Variants in MTPAP observed in about 807,000 individuals in gnomAD.
The protein encoded by MTPAP is poly(A) RNA polymerase, mitochondrial.
A neutral mutation model predicts 48.7 loss-of-function variants in MTPAP; 23 were observed. The observed-to-expected ratio is 0.47, with a 90% confidence interval of 0.34 to 0.67. The LOEUF is 0.67. MTPAP is among the 30% of genes least tolerant of loss of function. The pLI, the probability that MTPAP is intolerant of heterozygous loss-of-function variation, is 0.01. For synonymous variants in MTPAP, 257 were observed against 254.1 expected (o/e 1.01, Z -0.11); for missense variants, 614 against 694.3 (o/e 0.88, Z 1.30).
In MTPAP at chr10:30,310,421, A is replaced by G. The variant is rs1840576286; in HGVS notation, c.*3188T>C. ...GCCAACAGAGTAAAACCCCATCTCT[A>G]CTAAAAATAGAAAACTTAGCCAGGT... On this transcript the variant is annotated 3_prime_UTR_variant, in exon 9 of 9. Coordinates refer to ENST00000263063, the MANE Select transcript of MTPAP (RefSeq NM_018109.4). 6.6e-6 allele frequency: 1 copy of G among 151,982 alleles called. No individual in the cohort carries two copies. Among genetic ancestry groups the G allele is most frequent in the Admixed American group, 6.6e-5 (1 of 15,238 alleles). 9.4% of individuals were successfully genotyped at this position (151,982 alleles called of 1,614,324 possible). A position where few individuals can be genotyped will look rare whatever the true frequency, so the allele number is the denominator to read the frequency against.
rs1840571760 is a variant in MTPAP at position 30,309,959 on chromosome 10, C to T, written c.*3650G>A. The T allele has an allele frequency of 1.3e-5, 2 of 152,096 alleles. No homozygotes were observed. The highest frequency in any genetic ancestry group is 2.9e-5 in the Non-Finnish European group (2 of 68,020). 9.4% of individuals were successfully genotyped at this position (152,096 alleles called of 1,614,324 possible). On this transcript the variant is annotated 3_prime_UTR_variant, in exon 9 of 9. Coordinates refer to ENST00000263063, the MANE Select transcript of MTPAP (RefSeq NM_018109.4). ...ATTTTCTAAAGATGGATAATAGCTC[C>T]AGGAATTATACTAGTGGGCTATAGC... is the stretch of plus-strand genomic sequence containing the variant.
chr10:30,316,186 T>C lies in MTPAP; in HGVS notation c.1244A>G (p.Glu415Gly), dbSNP rs375942334. ...LADAEDKCVI[E>G]GNNCTFVRDL... ...ACGAACAAATGTGCAGTTGTTGCCT[T>C]CTATTACACATTTATCTTCTGCATC... The change falls in exon 7 of 9, where the codon GAA becomes GGA. Residue 415 changes from glutamate (E) to glycine (G), a missense_variant. Physicochemically the swap from Glu to Gly is moderately conservative, Grantham distance 98. This residue lies in a region of MTPAP where 261 missense variants were observed against 355.4 expected (regional missense o/e 0.73). Coordinates refer to ENST00000263063, the MANE Select transcript of MTPAP (RefSeq NM_018109.4). The C allele has an allele frequency of 1.2e-5, 20 of 1,613,746 alleles. No homozygotes were observed. Among genetic ancestry groups the C allele is most frequent in the Non-Finnish European group, 1.7e-5 (20 of 1,179,808 alleles).
At chr10:30,342,548 A>C (rs1022128159) in intron 1 of MTPAP, among the ~76,000 whole-genome samples, 17 of 151,206 alleles carry the variant, frequency 1.1e-4, no homozygotes, top group African/African-American at 4.1e-4. Flanking sequence ...TTCCACAAAA[A>C]AAAAAAAAAA....
At chr10:30,348,216 A>AT (rs1279028217) in intron 1 of MTPAP, among the ~76,000 whole-genome samples, 5 of 152,222 alleles carry the variant, frequency 3.3e-5, no homozygotes, top group Non-Finnish European at 5.9e-5. Context: ...TTTGAATGAA[A>AT]TACATAAAGA....
intron 6 of MTPAP, 64 bp downstream of exon 6, chr10:30,322,327 A>G: frequency 7.7e-7 from 1 of 1,304,884 alleles, no homozygotes. Context: ...TTGGTAACAC[A>G]TGGTAATTAT....
In MTPAP at chr10:30,322,274, A is replaced by C. The variant is rs868217202; in HGVS notation, c.1219+117T>G. 42 of 931,302 alleles carry C rather than the reference A, an allele frequency of 4.5e-5. 1 individual carries two copies. In the Middle Eastern group the frequency reaches 1.4e-3, roughly 32 times the overall value. 57.7% of individuals were successfully genotyped at this position (931,302 alleles called of 1,614,324 possible). A position where few individuals can be genotyped will look rare whatever the true frequency, so the allele number is the denominator to read the frequency against. On this transcript the variant is annotated intron_variant, in intron 6 of 8. Coordinates refer to ENST00000263063, the MANE Select transcript of MTPAP (RefSeq NM_018109.4). ...GTGACTCCGGTAGACTTTAAAAAAA[A>C]GTCAAGACAAATTTTATGACTAATA... is the stretch of plus-strand genomic sequence containing the variant.
chr10:30,312,803 G>A lies in MTPAP; in HGVS notation c.*806C>T, dbSNP rs1840612327. 1 of 152,030 alleles carries A rather than the reference G, an allele frequency of 6.6e-6. No homozygotes were observed. The highest frequency in any genetic ancestry group is 1.5e-5 in the Non-Finnish European group (1 of 68,002). 9.4% of individuals were successfully genotyped at this position (152,030 alleles called of 1,614,324 possible). A position where few individuals can be genotyped will look rare whatever the true frequency, so the allele number is the denominator to read the frequency against. On this transcript the variant is annotated 3_prime_UTR_variant, in exon 9 of 9. Coordinates refer to ENST00000263063, the MANE Select transcript of MTPAP (RefSeq NM_018109.4). Reference sequence around the variant, plus strand: ...AGAGGGGAGTTCTCAAAAGAGATGTGAAGGAATACTGGGAATATCACATTT... The same window carrying A: ...AGAGGGGAGTTCTCAAAAGAGATGTAAAGGAATACTGGGAATATCACATTT...
At position 30,335,859 on chromosome 10, in the gene MTPAP, A is replaced by G. The variant is rs190013545; in HGVS notation, c.780+944T>C. ...ACCCCGTCTCTACTAAAATACAAAA[A>G]TCAGCTGGGCATGGTAGCAGGCGCC... On this transcript the variant is annotated intron_variant, in intron 4 of 8. Transcript: ENST00000263063. Among the ~76,000 whole-genome samples, 685 of 152,204 alleles carry G rather than the reference A, an allele frequency of 4.5e-3. 2 individuals carry two copies. Among genetic ancestry groups the G allele is most frequent in the African/African-American group, 0.015 (620 of 41,520 alleles).
At position 30,310,581 on chromosome 10, in the gene MTPAP, C is replaced by CA. The variant is rs11310410; in HGVS notation, c.*3027dup. The stretch of plus-strand genomic sequence containing the variant: ...CTGGGTGACAGAGGGAGACCCATCT[C>CA]AAAAAAAAAAAAAAAAAAGGGTCTT... On this transcript the variant is annotated 3_prime_UTR_variant, in exon 9 of 9. Transcript: ENST00000263063. The CA allele has an allele frequency of 0.011, 1,142 of 102,668 alleles. 13 individuals are homozygous for CA. The highest frequency in any genetic ancestry group is 0.029 in the African/African-American group (789 of 26,892). 6.4% of individuals were successfully genotyped at this position (102,668 alleles called of 1,614,324 possible).
intron 4 of MTPAP, among the ~76,000 whole-genome samples, chr10:30,327,587 T>C (rs1262185365): frequency 1.3e-5 from 2 of 151,856 alleles, no homozygotes; most frequent in African/African-American, 2.4e-5. Flanking sequence ...GGCTCATGCC[T>C]GCAATCTCAG....
At chr10:30,338,152 T>C (rs1834750933) in intron 3 of MTPAP, among the ~76,000 whole-genome samples, 1 of 151,524 alleles carries the variant, frequency 6.6e-6, no homozygotes, top group African/African-American at 2.4e-5. Flanking sequence ...TAGTCTCAGC[T>C]ACTCAGAAGG....
At chr10:30,333,889 G>A (rs1225511362) in intron 4 of MTPAP, among the ~76,000 whole-genome samples, 1 of 151,724 alleles carries the variant, frequency 6.6e-6, no homozygotes, top group African/African-American at 2.4e-5. Flanking sequence ...GCAAAAGAGT[G>A]AGACCTCATC....
chr10:30,319,070 G>C (rs1213293731), intron 6 of MTPAP, among the ~76,000 whole-genome samples: 3 of 131,146 alleles, frequency 2.3e-5, no homozygotes, highest in Admixed American at 1.4e-4. Flanking sequence ...GTGGCTGGGA[G>C]GGGGAGGCTG....
intron 4 of MTPAP, among the ~76,000 whole-genome samples, chr10:30,332,949 A>G (rs1834687280): frequency 6.6e-6 from 1 of 151,838 alleles, no homozygotes; most frequent in African/African-American, 2.4e-5. Context: ...GTGAAACTCC[A>G]TCTCTACTAA....
intron 6 of MTPAP, among the ~76,000 whole-genome samples, chr10:30,320,392 G>A (rs1840708640): frequency 1.3e-5 from 2 of 152,136 alleles, no homozygotes; most frequent in Admixed American, 6.5e-5. Flanking sequence ...AGGTATGGTG[G>A]TGCATGCCTA....
chr10:30,327,499 AAAATAAAT>A (rs55642261), intron 4 of MTPAP, among the ~76,000 whole-genome samples: 36,546 of 138,674 alleles, frequency 0.26, 5,279 homozygotes, highest in African/African-American at 0.39. Flanking sequence ...ACTCCATTTC[AAAATAAAT>A]AAATAAATAA....
chr10:30,333,120 C>CA (rs1439848509), intron 4 of MTPAP, among the ~76,000 whole-genome samples: 86 of 143,526 alleles, frequency 6.0e-4, no homozygotes, highest in Admixed American at 1.9e-3. Context: ...GACTCTGTCT[C>CA]AAAAAAAAAT....
In MTPAP at chr10:30,311,923, G is replaced by C. The variant is rs545710285; in HGVS notation, c.*1686C>G. ...AACACTTTGGAAGGCCAAGGTGGGCGATCACCTGAGGTCAGGAGTTCGAGA... is the reference window on the plus strand; with the variant it reads ...AACACTTTGGAAGGCCAAGGTGGGCCATCACCTGAGGTCAGGAGTTCGAGA... On this transcript the variant is annotated 3_prime_UTR_variant, in exon 9 of 9. Coordinates refer to ENST00000263063, the MANE Select transcript of MTPAP (RefSeq NM_018109.4). 2.0e-5 allele frequency: 3 copies of C among 152,398 alleles called. No individual in the cohort carries two copies. Among genetic ancestry groups the C allele is most frequent in the Non-Finnish European group, 2.9e-5 (2 of 68,242 alleles). The allele number at this position is 152,398 out of a possible 1,614,324, so 9.4% of individuals were successfully genotyped here.
At chr10:30,315,526 A>G (rs1389912386) in intron 8 of MTPAP, among the ~76,000 whole-genome samples, 1 of 151,644 alleles carries the variant, frequency 6.6e-6, no homozygotes. Context: ...AAAACAAAAC[A>G]AAACAAAACA....
Sources: allele counts gnomAD v4.1 joint callset (sites outside exome capture counted in the v4.1 genomes callset), GRCh38; gene constraint gnomAD v4.1.1; regional missense constraint gnomAD v4.1.1; transcripts MANE v1.5; gene names NCBI Gene and HGNC (gene_info 2026-07-23, HGNC 2026-07-21).